The following ALPK3 variants were observed in gnomAD, a reference collection of about 807,000 sequenced individuals.
ALPK3 encodes the protein alpha-protein kinase 3.
Under a neutral mutation model 140.0 loss-of-function variants are expected in ALPK3, and 102 were observed. The observed-to-expected ratio is 0.73, with a 90% CI of 0.62 to 0.86. ALPK3 has a LOEUF of 0.86. Ranked by LOEUF, ALPK3 falls within the 40% of genes least tolerant of loss-of-function variation. The pLI is 0.00. For missense variants in ALPK3, 2,254 were observed against 2,208.2 expected, an observed-to-expected ratio of 1.02 and a Z score of -0.42; for synonymous variants, 938 against 898.5, an observed-to-expected ratio of 1.04 and a Z score of -0.79.
In ALPK3 at chr15:84,858,903, T is replaced by G. The variant is rs533546125; in HGVS notation, c.3818-340T>G. The stretch of plus-strand genomic sequence containing the variant: ...ACAGAGATGTCGCATGATTACAGAG[T>G]GGTGGGGACAGGATTCAAATGCAGG... On this transcript the variant is annotated intron_variant, in intron 6 of 13. Coordinates refer to ENST00000258888, the MANE Select transcript of ALPK3 (RefSeq NM_020778.5). Among the ~76,000 whole-genome samples the G allele has an allele frequency of 3.9e-5, 6 of 152,186 alleles. 1 individual carries two copies. Among genetic ancestry groups the G allele is most frequent in the African/African-American group, 1.2e-4 (5 of 41,522 alleles).
intron 5 of ALPK3, among the ~76,000 whole-genome samples, chr15:84,845,553 A>C (rs1963720412): frequency 6.6e-6 from 1 of 152,190 alleles, no homozygotes; most frequent in Non-Finnish European, 1.5e-5. Context: ...ACCTCTGAGA[A>C]TCATTAATGA....
At chr15:84,823,397 G>T in intron 2 of ALPK3, 29 bp downstream of exon 2, 1 of 1,613,546 alleles carries the variant, frequency 6.2e-7, no homozygotes, top group South Asian at 1.1e-5. Context: ...ACATTTCTCT[G>T]ACTGCTTTTT....
intron 11 of ALPK3, 104 bp from the exon 12 acceptor site, chr15:84,864,338 C>A (rs1231612485): frequency 3.3e-6 from 4 of 1,228,558 alleles, no homozygotes; most frequent in African/African-American, 1.5e-5. Flanking sequence ...GAATTACATT[C>A]TTGGAAGGGC....
At chr15:84,849,794 A>G (rs1963780603) in intron 5 of ALPK3, among the ~76,000 whole-genome samples, 1 of 152,136 alleles carries the variant, frequency 6.6e-6, no homozygotes, top group Admixed American at 6.5e-5. Flanking sequence ...TGTTTATATT[A>G]GAAAAGAAAA....
intron 13 of ALPK3, 85 bp downstream of exon 13, chr15:84,867,450 GA>G: frequency 6.6e-7 from 1 of 1,526,172 alleles, no homozygotes; most frequent in Non-Finnish European, 9.1e-7. Flanking sequence ...CTCCATCCCT[GA>G]GGTGCTGGGC....
chr15:84,863,132 A>G (rs1318843783), intron 10 of ALPK3, among the ~76,000 whole-genome samples: 1 of 152,098 alleles, frequency 6.6e-6, no homozygotes, highest in Non-Finnish European at 1.5e-5. Context: ...GACTTGGGCC[A>G]TAGTTTTCAA....
Position 84,858,100 on chromosome 15 carries a change from A to C in ALPK3, c.3362A>C (p.Gln1121Pro). Residue 1121 changes from glutamine (Q) to proline (P), a missense_variant, in exon 6 of 14, where the codon CAG (glutamine) becomes CCG (proline). By Grantham distance (76) the Gln-to-Pro change is moderately conservative (BLOSUM62 -1). Coordinates refer to ENST00000258888, the MANE Select transcript of ALPK3 (RefSeq NM_020778.5). ...GGTCGACTGGGGGAGGCGGGTGGGC[A>C]GGCAGCCCCTGGACAGGGGCCCTCA... ...MAGRLGEAGG[Q>P]AAPGQGPSAE... 1 of 1,570,118 alleles carries C rather than the reference A, an allele frequency of 6.4e-7. No homozygotes were observed. Among genetic ancestry groups the C allele is most frequent in the Admixed American group, 1.9e-5 (1 of 52,616 alleles).
intron 5 of ALPK3, among the ~76,000 whole-genome samples, chr15:84,846,492 T>G (rs1045872128): frequency 6.6e-6 from 1 of 152,120 alleles, no homozygotes; most frequent in African/African-American, 2.4e-5. Flanking sequence ...AAGACTAGGC[T>G]GGGGAACATG....
intron 3 of ALPK3, among the ~76,000 whole-genome samples, chr15:84,833,158 G>C (rs930095005): frequency 3.3e-5 from 5 of 152,128 alleles, no homozygotes; most frequent in African/African-American, 1.2e-4. Flanking sequence ...CACTTACTGT[G>C]CTGAGACCTA....
chr15:84,822,511 G>A (rs1567085945), intron 1 of ALPK3, among the ~76,000 whole-genome samples: 1 of 152,168 alleles, frequency 6.6e-6, no homozygotes, highest in Non-Finnish European at 1.5e-5. Context: ...AAGGGAGTGT[G>A]GATGGGGTGA....
Position 84,840,409 on chromosome 15 carries a change from G to C in ALPK3, c.1130G>C (p.Gly377Ala). 2 of 1,613,702 alleles carry C rather than the reference G, an allele frequency of 1.2e-6. No homozygotes were observed. The highest frequency in any genetic ancestry group is 1.7e-6 in the Non-Finnish European group (2 of 1,179,796). ...CAGCCCAGAGGCAGGGCTGCACGGGGGCCTGGGTCCTCTGGCACAGATAGT... is the reference window on the plus strand; with the variant it reads ...CAGCCCAGAGGCAGGGCTGCACGGGCGCCTGGGTCCTCTGGCACAGATAGT... ...QTQPRGRAAR[G>A]PGSSGTDSTR... The change falls in exon 5 of 14, where the codon GGG (glycine) becomes GCG (alanine). Residue 377 changes from glycine to alanine, a missense_variant. Physicochemically the swap from Gly to Ala is moderately conservative, Grantham distance 60. Transcript: ENST00000258888.
In ALPK3 at chr15:84,857,209, C is replaced by CATT. The variant is rs1177093497; in HGVS notation, c.2472_2473insTTA (p.Ser824_Gly825insLeu). On this transcript the variant is annotated inframe_insertion, in exon 6 of 14. Coordinates refer to ENST00000258888, the MANE Select transcript of ALPK3 (RefSeq NM_020778.5). Reference sequence around the variant, plus strand: ...GAGAGATGCCGAGGGCCACAGTCATCAGGCCCAGTCGAGGCCAAGCAGGAG... The same window carrying CATT: ...GAGAGATGCCGAGGGCCACAGTCATCATTAGGCCCAGTCGAGGCCAAGCAGGAG... 1.2e-6 allele frequency: 2 copies of CATT among 1,613,878 alleles called. No individual in the cohort carries two copies. Among genetic ancestry groups the CATT allele is most frequent in the Non-Finnish European group, 8.5e-7 (1 of 1,179,944 alleles).
intron 3 of ALPK3, among the ~76,000 whole-genome samples, chr15:84,829,567 A>G (rs1395136273): frequency 6.6e-6 from 1 of 152,192 alleles, no homozygotes; most frequent in African/African-American, 2.4e-5. Flanking sequence ...ATGAGGAGGT[A>G]GGAAGCGGTG....
intron 9 of ALPK3, among the ~76,000 whole-genome samples, chr15:84,861,479 C>A (rs1311561024): frequency 6.6e-6 from 1 of 152,090 alleles, no homozygotes; most frequent in Non-Finnish European, 1.5e-5. Context: ...TAAGGTTGGT[C>A]ACTGGGTTCA....
At position 84,872,710 on chromosome 15, in the gene ALPK3, T is replaced by C. The variant is rs1212906875; in HGVS notation, c.*4254T>C. On this transcript the variant is annotated 3_prime_UTR_variant, in exon 14 of 14. Coordinates refer to ENST00000258888, the MANE Select transcript of ALPK3 (RefSeq NM_020778.5). ...TTTATCTCCCACTCTGATTCACATATGTTTGACCAAGGCACTGGGCAGCTG... is the reference window on the plus strand; with the variant it reads ...TTTATCTCCCACTCTGATTCACATACGTTTGACCAAGGCACTGGGCAGCTG... 1.3e-5 allele frequency: 2 copies of C among 152,264 alleles called. No homozygotes were observed. Among genetic ancestry groups the C allele is most frequent in the Non-Finnish European group, 2.9e-5 (2 of 68,058 alleles). The allele number at this position is 152,264 out of a possible 1,614,324, so 9.4% of individuals were successfully genotyped here. A position where few individuals can be genotyped will look rare whatever the true frequency, so the allele number is the denominator to read the frequency against.
In ALPK3 at chr15:84,868,351, T is replaced by C; in HGVS notation, c.5013T>C (p.Ala1671=). ...GTCCTCAGGGCACCCGGAAGAGTGC[T>C]CCAAGTTCCAAGGCCACCCCTCAGG... ...LPSPQGTRKS[A]PSSKATPQAS... is the part of the protein sequence containing the mutation. Residue 1671 remains alanine, a synonymous_variant, in exon 14 of 14, where the codon GCT becomes GCC. Transcript: ENST00000258888. 1 of 1,613,888 alleles carries C rather than the reference T, an allele frequency of 6.2e-7. No homozygotes were observed. Among genetic ancestry groups the C allele is most frequent in the Non-Finnish European group, 8.5e-7 (1 of 1,179,960 alleles).
intron 5 of ALPK3, among the ~76,000 whole-genome samples, chr15:84,850,676 C>T (rs1328366156): frequency 6.6e-6 from 1 of 151,974 alleles, no homozygotes. Flanking sequence ...CATGAGCAAC[C>T]ATATCTGGCC....
intron 13 of ALPK3, 69 bp downstream of exon 13, chr15:84,867,434 C>T: frequency 6.3e-7 from 1 of 1,575,356 alleles, no homozygotes; most frequent in Non-Finnish European, 8.7e-7. Context: ...CTAAGCCCTT[C>T]TGGTTCTCCA....
At position 84,856,677 on chromosome 15, in the gene ALPK3, G is replaced by C. The variant is rs766319400; in HGVS notation, c.1939G>C (p.Glu647Gln). Reference sequence around the variant, plus strand: ...GACGCAGGTGGATGCTGGGACACAAGAAAGCAAGAGGCCACAGTCAGACAG... The same window carrying C: ...GACGCAGGTGGATGCTGGGACACAACAAAGCAAGAGGCCACAGTCAGACAG... ...RKTQVDAGTQ[E>Q]SKRPQSDRSA... Residue 647 changes from glutamate (E) to glutamine (Q), a missense_variant, in exon 6 of 14, where the codon GAA (glutamate) becomes CAA (glutamine). Glu to Gln is a conservative substitution (Grantham distance 29). Around this residue, in one of 3 missense-constraint regions of ALPK3, gnomAD observed 2,088 missense variants for 2,022.9 expected, o/e 1.03. Transcript: ENST00000258888. 6.2e-7 allele frequency: 1 copy of C among 1,614,066 alleles called. No individual in the cohort carries two copies. Among genetic ancestry groups the C allele is most frequent in the South Asian group, 1.1e-5 (1 of 91,076 alleles).
Sources: gnomAD v4.1 joint callset for allele counts (sites outside exome capture counted in the v4.1 genomes callset) on GRCh38, gnomAD v4.1.1 for gene constraint, gnomAD v4.1.1 regional missense constraint, MANE v1.5 for transcripts, NCBI Gene and HGNC (gene_info 2026-07-23, HGNC 2026-07-21) for gene names.